PEAK1: variants seen among roughly 807,000 people sequenced by gnomAD.
PEAK1 encodes the protein inactive tyrosine-protein kinase PEAK1.
PEAK1 carries 54 observed loss-of-function variants against 124.7 expected under a neutral mutation model. That is an observed-to-expected ratio of 0.43 (90% CI 0.35 to 0.54). PEAK1 has a LOEUF of 0.54. Among genes scored for constraint, PEAK1 ranks in the 20% least tolerant of loss-of-function variants. The probability of loss-of-function intolerance (pLI) is 0.01; values close to 1 mark genes in which losing one functional copy is unlikely to be tolerated. For synonymous variants in PEAK1, 719 were observed against 760.0 expected (o/e 0.95, Z 0.89); for missense variants, 2,046 against 2,134.5 (o/e 0.96, Z 0.82).
In PEAK1 at chr15:77,110,047, A is replaced by G. The variant is rs1423779524; in HGVS notation, c.*4109T>C. ...ATGTCAGGTTACTTCCCTGAACCAA[A>G]GTATTCATAACTCAAAATTGAGACG... On this transcript the variant is annotated 3_prime_UTR_variant, in exon 10 of 10. Transcript: ENST00000682557. 1.3e-5 allele frequency: 2 copies of G among 152,190 alleles called. No homozygotes were observed. The highest frequency in any genetic ancestry group is 3.8e-4 in the East Asian group (2 of 5,196). 9.4% of individuals were successfully genotyped at this position (152,190 alleles called of 1,614,324 possible).
chr15:77,250,179 A>ATG (rs1490309953), intron 6 of PEAK1, among the ~76,000 whole-genome samples: 1 of 113,632 alleles, frequency 8.8e-6, no homozygotes, highest in Non-Finnish European at 2.1e-5. Context: ...ATATATGTAT[A>ATG]TGTATATATA....
At chr15:77,177,693 T>C (rs367908600) in intron 7 of PEAK1, 1 of 152,194 alleles carries the variant, frequency 6.6e-6, no homozygotes, top group African/African-American at 2.4e-5. Flanking sequence ...AGGGCATATC[T>C]TTAAGAATAA....
intron 1 of PEAK1, among the ~76,000 whole-genome samples, chr15:77,399,305 T>C (rs1450432321): frequency 2.0e-5 from 3 of 151,858 alleles, no homozygotes; most frequent in Non-Finnish European, 2.9e-5. Context: ...TTCATAGAAA[T>C]AGAAAAAAAC....
At chr15:77,165,855 C>T (rs567763942) in intron 7 of PEAK1, among the ~76,000 whole-genome samples, 118 of 152,162 alleles carry the variant, frequency 7.8e-4, no homozygotes, top group African/African-American at 2.8e-3. Context: ...AATCAATTGC[C>T]TAAAATTACA....
intron 2 of PEAK1, among the ~76,000 whole-genome samples, chr15:77,300,477 T>G (rs567586989): frequency 2.0e-5 from 3 of 152,338 alleles, no homozygotes; most frequent in Admixed American, 1.3e-4. Flanking sequence ...ACAACTTTTA[T>G]TTTAGAACAG....
At chr15:77,172,670 CAGA>C (rs1198998385) in intron 7 of PEAK1, among the ~76,000 whole-genome samples, 1 of 152,154 alleles carries the variant, frequency 6.6e-6, no homozygotes, top group Non-Finnish European at 1.5e-5. Flanking sequence ...TGTTACACAG[CAGA>C]AGTATTCTAC....
chr15:77,102,985 C>A (rs2050709515), exon 7 of PEAK1: 1 of 152,164 alleles, frequency 6.6e-6, no homozygotes, highest in South Asian at 2.1e-4. Context: ...TTATACTTCT[C>A]AGTAGTTTCT....
chr15:77,416,710 T>C (rs1032467545), intron 1 of PEAK1, among the ~76,000 whole-genome samples: 2 of 152,196 alleles, frequency 1.3e-5, no homozygotes, highest in Admixed American at 6.5e-5. Context: ...TATGTGAATG[T>C]AGTTGTCCAA....
intron 5 of PEAK1, among the ~76,000 whole-genome samples, chr15:77,282,402 A>T (rs930372210): frequency 2.0e-5 from 3 of 152,098 alleles, no homozygotes; most frequent in African/African-American, 7.2e-5. Flanking sequence ...ATGACTCATT[A>T]AAAAAAATTT....
intron 1 of PEAK1, among the ~76,000 whole-genome samples, chr15:77,384,427 G>C (rs1180104245): frequency 6.6e-6 from 1 of 152,148 alleles, no homozygotes; most frequent in African/African-American, 2.4e-5. Context: ...TTCCTCCCCT[G>C]AATGGTATTG....
chr15:77,281,877 A>C (rs1226476235), intron 5 of PEAK1, among the ~76,000 whole-genome samples: 1 of 152,210 alleles, frequency 6.6e-6, no homozygotes, highest in Non-Finnish European at 1.5e-5. Context: ...ATGCAGGCCA[A>C]CAGATTCTGT....
At chr15:77,337,662 C>T in intron 2 of PEAK1, 1 of 985,362 alleles carries the variant, frequency 1.0e-6, no homozygotes, top group Non-Finnish European at 1.2e-6. Context: ...AAAACCATGG[C>T]ATATGCAAAA....
At chr15:77,169,338 A>T (rs990351057) in intron 7 of PEAK1, among the ~76,000 whole-genome samples, 2 of 152,196 alleles carry the variant, frequency 1.3e-5, no homozygotes, top group Admixed American at 6.5e-5. Flanking sequence ...TTGTGTTGGG[A>T]GGTATTCTTA....
intron 1 of PEAK1, chr15:77,417,455 G>A (rs984576942): frequency 3.3e-5 from 31 of 930,498 alleles, no homozygotes; most frequent in African/African-American, 9.1e-5. Flanking sequence ...GGGGGGATGC[G>A]GGGCGGGGGG....
At chr15:77,184,129 C>T (rs1411271541) in intron 6 of PEAK1, among the ~76,000 whole-genome samples, 1 of 151,480 alleles carries the variant, frequency 6.6e-6, no homozygotes, top group African/African-American at 2.4e-5. Flanking sequence ...CTGTGCCCAG[C>T]CAAAGATACA....
intron 8 of PEAK1, among the ~76,000 whole-genome samples, chr15:77,152,320 AT>A (rs1251148280): frequency 6.6e-6 from 1 of 151,932 alleles, no homozygotes; most frequent in Non-Finnish European, 1.5e-5. Context: ...AATGCTTGTG[AT>A]TTTTGTACAT....
chr15:77,186,989 T>C (rs1225719863), intron 6 of PEAK1, among the ~76,000 whole-genome samples: 1 of 152,202 alleles, frequency 6.6e-6, no homozygotes, highest in Non-Finnish European at 1.5e-5. Flanking sequence ...AAATAAGAAA[T>C]GTGTCTCCTG....
Position 77,352,292 on chromosome 15 carries a change from G to A in PEAK1, c.-603+12871C>T, listed in dbSNP as rs953519519. 3.6e-5 allele frequency: 35 copies of A among 985,340 alleles called. No homozygotes were observed. The African/African-American group carries it at 5.1e-4, about 14-fold the overall frequency. The allele number at this position is 985,340 out of a possible 1,614,324, so 61.0% of individuals were successfully genotyped here. ...TAGCCATACCTCTCCCCCAGGAAGT[G>A]AGCAGTGCAGAGGGCCAAATCGAAG... On this transcript the variant is annotated intron_variant, in intron 2 of 9. Transcript: ENST00000682557.
chr15:77,216,757 G>A (rs1011063219), intron 6 of PEAK1, among the ~76,000 whole-genome samples: 1 of 152,120 alleles, frequency 6.6e-6, no homozygotes, highest in Non-Finnish European at 1.5e-5. Flanking sequence ...CACAATTCTG[G>A]CTGAAAAATT....
Sources: gnomAD v4.1 joint callset for allele counts (sites outside exome capture counted in the v4.1 genomes callset) on GRCh38, gnomAD v4.1.1 for gene constraint, MANE v1.5 for transcripts, NCBI Gene and HGNC (gene_info 2026-07-23, HGNC 2026-07-21) for gene names.